Variants in ZC3H12B observed in about 807,000 individuals in gnomAD.
ZC3H12B encodes probable ribonuclease ZC3H12B.
In ZC3H12B, 7 loss-of-function variants were observed where a neutral mutation model predicts 43.9. The observed-to-expected ratio is 0.16, with a 90% CI of 0.09 to 0.30. The LOEUF (loss-of-function observed/expected upper bound fraction) is 0.30, where lower values mean the gene tolerates loss of function less well. ZC3H12B is among the 10% of genes least tolerant of loss of function. The pLI is 1.00. For synonymous variants in ZC3H12B, 222 were observed against 241.7 expected, an observed-to-expected ratio of 0.92 and a Z score of 0.76; for missense variants, 475 against 670.2, an observed-to-expected ratio of 0.71 and a Z score of 3.22.
At chrX:65,330,141 G>T in the ZC3H12B span, among the ~76,000 whole-genome samples, 1 of 110,204 alleles carries the variant, frequency 9.1e-6, no homozygotes, top group Admixed American at 9.7e-5. Context: ...ACCTTGGGCA[G>T]TATGGCCATT....
chrX:65,203,691 T>A, the ZC3H12B span, among the ~76,000 whole-genome samples: 3 of 111,040 alleles, frequency 2.7e-5, no homozygotes, highest in Admixed American at 1.9e-4. Context: ...CTGCACTGCC[T>A]GGAGCTGCGG....
At chrX:65,088,027 A>G in the ZC3H12B span, among the ~76,000 whole-genome samples, 1 of 112,079 alleles carries the variant, frequency 8.9e-6, no homozygotes, top group South Asian at 3.7e-4. Flanking sequence ...TGTATTGGCT[A>G]TTATGGGTAA....
intron 3 of ZC3H12B, 145 bp from the exon 9 acceptor site, chrX:65,499,738 G>C (rs749466111): frequency 8.0e-5 from 38 of 474,404 alleles, no homozygotes; most frequent in Non-Finnish European, 1.3e-4. Context: ...AGAACTGCTA[G>C]ATTAGCAGAG....
chrX:65,366,490 A>G (rs1353848209), upstream of ZC3H12B: 1 of 112,418 alleles, frequency 8.9e-6, no homozygotes, highest in East Asian at 2.8e-4. Flanking sequence ...TAGTCAGACA[A>G]TCTTGAGGAT....
intron 3 of ZC3H12B, among the ~76,000 whole-genome samples, chrX:65,466,137 C>A (rs2067814726): frequency 9.1e-6 from 1 of 110,402 alleles, no homozygotes; most frequent in Non-Finnish European, 1.9e-5. Context: ...ACTTTATACC[C>A]CTTGACAGAC....
the ZC3H12B span, among the ~76,000 whole-genome samples, chrX:65,308,046 G>A: frequency 9.0e-6 from 1 of 111,281 alleles, no homozygotes; most frequent in African/African-American, 3.3e-5. Context: ...AAACGCTGTG[G>A]AAATTCCTCA....
At chrX:65,110,973 C>T in the ZC3H12B span, among the ~76,000 whole-genome samples, 1 of 111,164 alleles carries the variant, frequency 9.0e-6, no homozygotes, top group Non-Finnish European at 1.9e-5. Context: ...CTAAGTATTT[C>T]AGCCTTTTGG....
the ZC3H12B span, among the ~76,000 whole-genome samples, chrX:65,237,104 G>A: frequency 1.8e-5 from 2 of 111,829 alleles, no homozygotes; most frequent in African/African-American, 6.5e-5. Flanking sequence ...GTATTTTAGT[G>A]GGAATAGCAT....
the ZC3H12B span, among the ~76,000 whole-genome samples, chrX:65,303,666 G>A: frequency 8.9e-6 from 1 of 112,377 alleles, no homozygotes; most frequent in East Asian, 2.8e-4. Flanking sequence ...ACATTGTACT[G>A]TAACTTCTAG....
chrX:65,068,425 C>G, the ZC3H12B span, among the ~76,000 whole-genome samples: 1 of 110,450 alleles, frequency 9.1e-6, no homozygotes, highest in African/African-American at 3.3e-5. Flanking sequence ...GAAATATTGT[C>G]TTATAATTCA....
chrX:65,397,502 T>G (rs989579484), intron 2 of ZC3H12B, among the ~76,000 whole-genome samples: 2 of 111,682 alleles, frequency 1.8e-5, no homozygotes, highest in Non-Finnish European at 3.8e-5. Context: ...ATTCTTTCTT[T>G]AAAAATATTG....
chrX:65,055,290 C>T, the ZC3H12B span, among the ~76,000 whole-genome samples: 1 of 111,666 alleles, frequency 9.0e-6, no homozygotes. Context: ...GAGTTTTTAG[C>T]ATAAAGGGCT....
At chrX:65,176,169 C>G in the ZC3H12B span, among the ~76,000 whole-genome samples, 2 of 112,036 alleles carry the variant, frequency 1.8e-5, no homozygotes, top group African/African-American at 6.5e-5. Context: ...GGACAGCAGT[C>G]TGAAGTCAAC....
At chrX:65,173,273 T>C in the ZC3H12B span, among the ~76,000 whole-genome samples, 62 of 112,286 alleles carry the variant, frequency 5.5e-4, no homozygotes, top group African/African-American at 2.0e-3. Flanking sequence ...ATTGATTTTG[T>C]ATCCTGACAC....
chrX:65,374,019 A>G (rs1317959660), intron 2 of ZC3H12B, among the ~76,000 whole-genome samples: 8 of 44,429 alleles, frequency 1.8e-4, no homozygotes, highest in Admixed American at 7.2e-4. Flanking sequence ...AACTATATAT[A>G]CAGTATATAT....
chrX:65,270,163 G>A, the ZC3H12B span, among the ~76,000 whole-genome samples: 4 of 111,472 alleles, frequency 3.6e-5, no homozygotes, highest in African/African-American at 6.5e-5. Flanking sequence ...AAAATAGTAT[G>A]GTACTGGCAT....
chrX:65,275,961 A>G, the ZC3H12B span, among the ~76,000 whole-genome samples: 1 of 111,906 alleles, frequency 8.9e-6, no homozygotes, highest in Non-Finnish European at 1.9e-5. Flanking sequence ...AAAACAATCC[A>G]TGATTTTAAT....
the ZC3H12B span, among the ~76,000 whole-genome samples, chrX:65,325,434 A>G: frequency 8.9e-6 from 1 of 111,873 alleles, no homozygotes; most frequent in African/African-American, 3.2e-5. Context: ...AAAAATCAAT[A>G]GATTTTCTTT....
chrX:65,119,280 T>C, the ZC3H12B span, among the ~76,000 whole-genome samples: 1 of 111,349 alleles, frequency 9.0e-6, no homozygotes, highest in Non-Finnish European at 1.9e-5. Context: ...TGTAAAAGTG[T>C]TCCTATTTCT....
Sources: allele counts gnomAD v4.1 joint callset (sites outside exome capture counted in the v4.1 genomes callset), GRCh38; gene constraint gnomAD v4.1.1; transcripts MANE v1.5; gene names NCBI Gene and HGNC (gene_info 2026-07-23, HGNC 2026-07-21).